The following NXT1 variants were observed in gnomAD, a reference collection of about 807,000 sequenced individuals.
NXT1 encodes the protein nuclear transport factor 2 like export factor 1.
Under a neutral mutation model 9.9 loss-of-function variants are expected in NXT1, and 3 were observed. The ratio of observed to expected loss-of-function variants is 0.30; its 90% CI spans 0.14 to 0.79. NXT1 has a LOEUF of 0.79. NXT1 is among the 30% of genes least tolerant of loss of function. NXT1 has a pLI of 0.63. For synonymous variants in NXT1, 53 were observed against 66.5 expected, an observed-to-expected ratio of 0.80 and a Z score of 0.99; for missense variants, 91 against 178.2, an observed-to-expected ratio of 0.51 and a Z score of 2.79.
At position 23,354,466 on chromosome 20, in the gene NXT1, G is replaced by A. The variant is rs750903220; in HGVS notation, c.*2G>A. ...CGCTTCCAGGACTGGGCCAGCTAGT[G>A]GGGGTGGCAGAGGTCTCTTTGCTTC... On this transcript the variant is annotated 3_prime_UTR_variant, in exon 2 of 2. Coordinates refer to ENST00000254998, the MANE Select transcript of NXT1 (RefSeq NM_013248.3). 3 of 1,609,166 alleles carry A rather than the reference G, an allele frequency of 1.9e-6. No individual in the cohort carries two copies. Among genetic ancestry groups the A allele is most frequent in the East Asian group, 2.3e-5 (1 of 44,390 alleles).
chr20:23,352,424 G>A (rs1178320026), intron 1 of NXT1, among the ~76,000 whole-genome samples: 1 of 152,068 alleles, frequency 6.6e-6, no homozygotes, highest in African/African-American at 2.4e-5. Flanking sequence ...CTTTACCAGA[G>A]GCAATGCACC....
At chr20:23,352,919 A>G (rs554642449) in intron 1 of NXT1, among the ~76,000 whole-genome samples, 56 of 152,188 alleles carry the variant, frequency 3.7e-4, no homozygotes, top group African/African-American at 1.3e-3. Context: ...CTAGCTTATC[A>G]TGGGGATTAT....
chr20:23,354,214 T>C lies in NXT1; in HGVS notation c.173T>C (p.Leu58Ser). ...AATGCTGTTTCAGGACAAGAATCCTTGAGTGAGTTTTTTGAAATGTTGCCT... is the reference window on the plus strand; with the variant it reads ...AATGCTGTTTCAGGACAAGAATCCTCGAGTGAGTTTTTTGAAATGTTGCCT... ...NGNAVSGQES[L>S]SEFFEMLPSS... The change falls in exon 2 of 2, where the codon TTG (leucine) becomes TCG (serine). Residue 58 changes from leucine (L) to serine (S), a missense_variant. Coordinates refer to ENST00000254998, the MANE Select transcript of NXT1 (RefSeq NM_013248.3). 6.2e-7 allele frequency: 1 copy of C among 1,614,186 alleles called. No homozygotes were observed. The highest frequency in any genetic ancestry group is 1.1e-5 in the South Asian group (1 of 91,088).
chr20:23,353,410 A>G (rs1381112282), intron 1 of NXT1, among the ~76,000 whole-genome samples: 1 of 152,220 alleles, frequency 6.6e-6, no homozygotes, highest in Non-Finnish European at 1.5e-5. Flanking sequence ...ACCTGAGGTC[A>G]GGAGTTTGAG....
Position 23,354,007 on chromosome 20 carries a change from T to TA in NXT1, c.-34dup. On this transcript the variant is annotated 5_prime_UTR_variant, in exon 2 of 2. Transcript: ENST00000254998. ...CCCTGGTTCCCCAAGGCAGAGGAAA[T>TA]ACCCTGGTGGAGCCCTCCTTCCATA... 1 of 1,593,138 alleles carries TA rather than the reference T, an allele frequency of 6.3e-7. No homozygotes were observed. The highest frequency in any genetic ancestry group is 8.6e-7 in the Non-Finnish European group (1 of 1,166,220).
intron 1 of NXT1, chr20:23,351,582 G>A (rs1980269547): frequency 6.6e-6 from 1 of 152,254 alleles, no homozygotes; most frequent in African/African-American, 2.4e-5. Context: ...AAGACAGCCA[G>A]GGGCGGAGAA....
Position 23,354,262 on chromosome 20 carries a change from T to C in NXT1, c.221T>C (p.Val74Ala), listed in dbSNP as rs754652444. Residue 74 changes from valine (V) to alanine (A), a missense_variant, in exon 2 of 2, where the codon GTG (valine) becomes GCG (alanine). By Grantham distance (64) the Val-to-Ala change is moderately conservative. Coordinates refer to ENST00000254998, the MANE Select transcript of NXT1 (RefSeq NM_013248.3). ...MLPSSEFQIS[V>A]VDCQPVHDEA... is the part of the protein sequence containing the mutation. ...CCTTCCAGCGAGTTCCAAATCAGCGTGGTAGACTGCCAGCCTGTTCATGAT... is the reference window on the plus strand; with the variant it reads ...CCTTCCAGCGAGTTCCAAATCAGCGCGGTAGACTGCCAGCCTGTTCATGAT... The C allele has an allele frequency of 2.5e-6, 4 of 1,614,172 alleles. No individual in the cohort carries two copies. The highest frequency in any genetic ancestry group is 3.4e-6 in the Non-Finnish European group (4 of 1,180,038).
intron 1 of NXT1, among the ~76,000 whole-genome samples, chr20:23,353,441 G>C (rs1044232750): frequency 6.6e-6 from 1 of 152,188 alleles, no homozygotes; most frequent in African/African-American, 2.4e-5. Flanking sequence ...CCAACATGGC[G>C]AAACCCTGTC....
chr20:23,353,144 A>T (rs1225882265), intron 1 of NXT1, among the ~76,000 whole-genome samples: 1 of 152,186 alleles, frequency 6.6e-6, no homozygotes, highest in Non-Finnish European at 1.5e-5. Flanking sequence ...AGGGGCTGTC[A>T]TGTCTGTTGC....
At position 23,353,982 on chromosome 20, in the gene NXT1, C is replaced by G; in HGVS notation, c.-60C>G. On this transcript the variant is annotated splice_region_variant and 5_prime_UTR_variant, in exon 2 of 2. Coordinates refer to ENST00000254998, the MANE Select transcript of NXT1 (RefSeq NM_013248.3). ...CTCTTCAACCTTACTTCCCTGCAGCCCCTGGTTCCCCAAGGCAGAGGAAAT... is the reference window on the plus strand; with the variant it reads ...CTCTTCAACCTTACTTCCCTGCAGCGCCTGGTTCCCCAAGGCAGAGGAAAT... 6.5e-7 allele frequency: 1 copy of G among 1,535,914 alleles called. No homozygotes were observed. Among genetic ancestry groups the G allele is most frequent in the East Asian group, 2.3e-5 (1 of 44,140 alleles).
In NXT1 at chr20:23,354,558, T is replaced by C. The variant is rs1299813820; in HGVS notation, c.*94T>C. The stretch of plus-strand genomic sequence containing the variant: ...CAAGGATGTGAGGAACACAAGTTCA[T>C]TTCTGTTGTTGCGGAGACACTGCAG... On this transcript the variant is annotated 3_prime_UTR_variant, in exon 2 of 2. Coordinates refer to ENST00000254998, the MANE Select transcript of NXT1 (RefSeq NM_013248.3). 7.1e-7 allele frequency: 1 copy of C among 1,411,898 alleles called. No homozygotes were observed. Among genetic ancestry groups the C allele is most frequent in the Non-Finnish European group, 9.5e-7 (1 of 1,050,820 alleles). The allele number at this position is 1,411,898 out of a possible 1,614,324, so 87.5% of individuals were successfully genotyped here.
In NXT1 at chr20:23,354,014, G is replaced by C; in HGVS notation, c.-28G>C. The stretch of plus-strand genomic sequence containing the variant: ...TCCCCAAGGCAGAGGAAATACCCTG[G>C]TGGAGCCCTCCTTCCATAGAACCAG... On this transcript the variant is annotated 5_prime_UTR_variant, in exon 2 of 2. Coordinates refer to ENST00000254998, the MANE Select transcript of NXT1 (RefSeq NM_013248.3). The C allele has an allele frequency of 1.9e-6, 3 of 1,599,576 alleles. No homozygotes were observed. Among genetic ancestry groups the C allele is most frequent in the Non-Finnish European group, 2.6e-6 (3 of 1,169,848 alleles).
chr20:23,352,651 A>G (rs1980305001), intron 1 of NXT1, among the ~76,000 whole-genome samples: 1 of 152,202 alleles, frequency 6.6e-6, no homozygotes, highest in Non-Finnish European at 1.5e-5. Flanking sequence ...GGAGAAAAGA[A>G]CATAACAGTT....
At position 23,354,749 on chromosome 20, in the gene NXT1, T is replaced by G. The variant is rs541205670; in HGVS notation, c.*285T>G. The G allele has an allele frequency of 2.3e-6, 1 of 430,744 alleles. No individual in the cohort carries two copies. The highest frequency in any genetic ancestry group is 2.0e-5 in the African/African-American group (1 of 49,398). The allele number at this position is 430,744 out of a possible 1,614,324, so 26.7% of individuals were successfully genotyped here. A position where few individuals can be genotyped will look rare whatever the true frequency, so the allele number is the denominator to read the frequency against. ...ATTCTGGAAATTCTGACAAATAATT[T>G]AATAATACACATGTTGCTTCTTTCC... On this transcript the variant is annotated 3_prime_UTR_variant, in exon 2 of 2. Transcript: ENST00000254998.
intron 1 of NXT1, among the ~76,000 whole-genome samples, chr20:23,352,541 G>GA (rs11475940): frequency 0.02 from 3,053 of 150,414 alleles, 106 homozygotes; most frequent in African/African-American, 0.07. Context: ...TTTTTGAAAT[G>GA]AAAAAAAACT....
At chr20:23,353,889 T>TG in intron 1 of NXT1, 92 bp from the exon 2 acceptor site, 1 of 712,452 alleles carries the variant, frequency 1.4e-6, no homozygotes, top group Non-Finnish European at 2.3e-6. Context: ...GTAACTATTT[T>TG]GCCAGTAGTA....
rs900872707 is a variant in NXT1 at position 23,351,080 on chromosome 20, G to A, written c.-62+19G>A. ...CGCGCAGGTACGTTGCCGTCCCCCG[G>A]CGGTCTGACCCCCGAGACAGCCCCT... On this transcript the variant is annotated intron_variant, in intron 1 of 1. Transcript: ENST00000254998. 3.9e-5 allele frequency: 6 copies of A among 152,018 alleles called. No homozygotes were observed. The highest frequency in any genetic ancestry group is 2.1e-4 in the South Asian group (1 of 4,804). 9.4% of individuals were successfully genotyped at this position (152,018 alleles called of 1,614,324 possible).
rs1310360633 is a variant in NXT1 at position 23,354,613 on chromosome 20, T to C, written c.*149T>C. On this transcript the variant is annotated 3_prime_UTR_variant, in exon 2 of 2. Transcript: ENST00000254998. The stretch of plus-strand genomic sequence containing the variant: ...CACTGTGCCGAGGTTGAACTCTTTT[T>C]TGTTGCTCAAGTTCTAGGAGTCCCT... 1.3e-5 allele frequency: 11 copies of C among 865,984 alleles called. No individual in the cohort carries two copies. The highest frequency in any genetic ancestry group is 1.9e-5 in the Non-Finnish European group (11 of 569,736). The allele number at this position is 865,984 out of a possible 1,614,324, so 53.6% of individuals were successfully genotyped here.
At chr20:23,351,610 T>C (rs1353115295) in intron 1 of NXT1, 1 of 152,036 alleles carries the variant, frequency 6.6e-6, no homozygotes, top group Non-Finnish European at 1.5e-5. Flanking sequence ...ATTTCTGAGA[T>C]GATGGGGGGA....
Sources: allele counts gnomAD v4.1 joint callset (sites outside exome capture counted in the v4.1 genomes callset), GRCh38; gene constraint gnomAD v4.1.1; transcripts MANE v1.5; gene names NCBI Gene and HGNC (gene_info 2026-07-23, HGNC 2026-07-21).